Variants in ADAMTS18 observed in about 807,000 individuals in gnomAD.
ADAMTS18 encodes A disintegrin and metalloproteinase with thrombospondin motifs 18.
In ADAMTS18, 157 loss-of-function variants were observed where a neutral mutation model predicts 165.9. That is an observed-to-expected ratio of 0.95 (90% CI 0.83 to 1.08). The LOEUF is 1.08. Among genes scored for constraint, ADAMTS18 ranks in the 50% least tolerant of loss-of-function variants. ADAMTS18 has a pLI of 0.00. For missense variants in ADAMTS18, 2,040 were observed against 1,534.0 expected, an observed-to-expected ratio of 1.33 and a Z score of -5.51; for synonymous variants, 782 against 578.2, an observed-to-expected ratio of 1.35 and a Z score of -5.06.
chr16:77,397,075 C>G (rs562253621), intron 3 of ADAMTS18, among the ~76,000 whole-genome samples: 1 of 152,138 alleles, frequency 6.6e-6, no homozygotes, highest in African/African-American at 2.4e-5. Flanking sequence ...TCCCAAAGTG[C>G]TGGAATTTTA....
At chr16:77,434,333 C>A (rs2057771088) in intron 2 of ADAMTS18, 85 bp downstream of exon 2, 1 of 1,483,234 alleles carries the variant, frequency 6.7e-7, no homozygotes, top group African/African-American at 1.4e-5. Context: ...AGGGGGTGCG[C>A]TTTTCCATCT....
At chr16:77,288,081 T>C (rs1053324285) in intron 22 of ADAMTS18, among the ~76,000 whole-genome samples, 3 of 152,166 alleles carry the variant, frequency 2.0e-5, no homozygotes, top group Non-Finnish European at 2.9e-5. Flanking sequence ...TTAAGACTTA[T>C]TGAGTACCTG....
At position 77,319,842 on chromosome 16, in the gene ADAMTS18, G is replaced by A. The variant is rs765573370; in HGVS notation, c.2532+7C>T. The A allele has an allele frequency of 1.9e-6, 3 of 1,614,048 alleles. No homozygotes were observed. The highest frequency in any genetic ancestry group is 1.7e-5 in the Admixed American group (1 of 60,014). ...CACTGAGAACTGAATACACAGAAGGGGCTTACTTCAAAGACCAGCGTCTCA... is the reference window on the plus strand; with the variant it reads ...CACTGAGAACTGAATACACAGAAGGAGCTTACTTCAAAGACCAGCGTCTCA... On this transcript the variant is annotated splice_region_variant and intron_variant, in intron 16 of 22. Transcript: ENST00000282849.
intron 10 of ADAMTS18, among the ~76,000 whole-genome samples, chr16:77,352,509 C>T (rs967242744): frequency 3.3e-5 from 5 of 152,120 alleles, no homozygotes; most frequent in Admixed American, 6.5e-5. Context: ...GGTAATAATT[C>T]TTCCTTGAAG....
intron 2 of ADAMTS18, among the ~76,000 whole-genome samples, chr16:77,433,790 G>C (rs1481067790): frequency 6.6e-6 from 1 of 152,128 alleles, no homozygotes; most frequent in East Asian, 1.9e-4. Flanking sequence ...ATTTCCCTCT[G>C]GGCTCCACTG....
chr16:77,384,616 G>A (rs955135066), intron 3 of ADAMTS18, among the ~76,000 whole-genome samples: 2 of 152,160 alleles, frequency 1.3e-5, no homozygotes, highest in East Asian at 1.9e-4. Flanking sequence ...ACCAATGTAC[G>A]TTATAGAAAA....
At chr16:77,429,893 C>G (rs910352393) in intron 3 of ADAMTS18, among the ~76,000 whole-genome samples, 7 of 152,146 alleles carry the variant, frequency 4.6e-5, no homozygotes, top group Non-Finnish European at 7.3e-5. Context: ...TTATTCCCAT[C>G]TTAGAAATAA....
At chr16:77,413,878 T>C (rs1335367656) in intron 3 of ADAMTS18, among the ~76,000 whole-genome samples, 6 of 150,496 alleles carry the variant, frequency 4.0e-5, no homozygotes, top group African/African-American at 1.2e-4. Context: ...AAAATCAACA[T>C]GTACGTTCTG....
chr16:77,389,771 A>G (rs1185195623), intron 3 of ADAMTS18, among the ~76,000 whole-genome samples: 2 of 152,226 alleles, frequency 1.3e-5, no homozygotes, highest in Non-Finnish European at 2.9e-5. Context: ...GTGAGGGAGC[A>G]GAGGTGAAAT....
intron 13 of ADAMTS18, among the ~76,000 whole-genome samples, chr16:77,324,613 G>C (rs1481776248): frequency 6.6e-6 from 1 of 152,114 alleles, no homozygotes; most frequent in Non-Finnish European, 1.5e-5. Context: ...ACTGAGAAGA[G>C]CTATGAAGAA....
intron 12 of ADAMTS18, among the ~76,000 whole-genome samples, chr16:77,331,332 T>A (rs1019765861): frequency 6.6e-6 from 1 of 152,146 alleles, no homozygotes; most frequent in Non-Finnish European, 1.5e-5. Flanking sequence ...AATGTTGTAA[T>A]GGATGAAAAC....
At chr16:77,368,143 C>G (rs541771054) in intron 3 of ADAMTS18, among the ~76,000 whole-genome samples, 6 of 152,270 alleles carry the variant, frequency 3.9e-5, no homozygotes, top group Admixed American at 1.3e-4. Context: ...GTCACCGTAC[C>G]TGGCTGGACA....
At chr16:77,400,458 G>C (rs201428402) in intron 3 of ADAMTS18, among the ~76,000 whole-genome samples, 1,033 of 46,408 alleles carry the variant, frequency 0.022, 2 homozygotes, top group Middle Eastern at 0.066. Flanking sequence ...GTGTGTGTCT[G>C]TGTGTGTGTG....
chr16:77,308,107 T>A (rs1045280515), intron 16 of ADAMTS18, among the ~76,000 whole-genome samples: 17 of 152,190 alleles, frequency 1.1e-4, no homozygotes, highest in Non-Finnish European at 2.5e-4. Context: ...TCTCCCTTAT[T>A]ACACTAGGAA....
intron 14 of ADAMTS18, among the ~76,000 whole-genome samples, chr16:77,321,926 C>T (rs1346486363): frequency 2.6e-5 from 4 of 151,998 alleles, no homozygotes; most frequent in Non-Finnish European, 4.4e-5. Context: ...GAGGCTGAAG[C>T]GGGCAGATCA....
chr16:77,402,195 C>T (rs1034829885), intron 3 of ADAMTS18, among the ~76,000 whole-genome samples: 2 of 152,180 alleles, frequency 1.3e-5, no homozygotes, highest in African/African-American at 4.8e-5. Context: ...TGCAAACACA[C>T]AGGTATACAA....
At chr16:77,409,821 GA>G (rs1253642928) in intron 3 of ADAMTS18, among the ~76,000 whole-genome samples, 2 of 149,716 alleles carry the variant, frequency 1.3e-5, no homozygotes, top group Non-Finnish European at 3.0e-5. Flanking sequence ...TTGGAGTAAA[GA>G]AAAAAAAAGG....
intron 13 of ADAMTS18, among the ~76,000 whole-genome samples, chr16:77,325,604 G>C (rs576821140): frequency 4.0e-5 from 6 of 149,812 alleles, no homozygotes; most frequent in Admixed American, 6.7e-5. Flanking sequence ...GGTAAGTTGA[G>C]AAACATGAGT....
chr16:77,368,728 G>C lies in ADAMTS18; in HGVS notation c.496-1005C>G, dbSNP rs2056835089. On this transcript the variant is annotated intron_variant, in intron 3 of 22. Transcript: ENST00000282849. The stretch of plus-strand genomic sequence containing the variant: ...TTCTGGCCCATCTTGATTCACAGTT[G>C]CTAAATCAATGTTTTTAAAAAAAAT... 3.9e-5 allele frequency among the ~76,000 whole-genome samples: 6 copies of C among 152,004 alleles called. No homozygotes were observed. In the South Asian group the frequency reaches 1.2e-3, roughly 32 times the overall value.
Sources: gnomAD v4.1 joint callset for allele counts (sites outside exome capture counted in the v4.1 genomes callset) on GRCh38, gnomAD v4.1.1 for gene constraint, MANE v1.5 for transcripts, NCBI Gene and HGNC (gene_info 2026-07-23, HGNC 2026-07-21) for gene names.